Variants in ADAMTS6 observed in about 807,000 individuals in gnomAD.
ADAMTS6 encodes the protein ADAM metallopeptidase with thrombospondin type 1 motif 6.
Under a neutral mutation model 144.3 loss-of-function variants are expected in ADAMTS6, and 23 were observed. The ratio of observed to expected loss-of-function variants is 0.16; its 90% CI spans 0.11 to 0.23. The LOEUF is 0.23. Among genes scored for constraint, ADAMTS6 ranks in the 10% least tolerant of loss-of-function variants. ADAMTS6 has a pLI of 1.00. For missense variants in ADAMTS6, 999 were observed against 1,379.6 expected, an observed-to-expected ratio of 0.72 and a Z score of 4.37; for synonymous variants, 444 against 457.5, an observed-to-expected ratio of 0.97 and a Z score of 0.38.
intron 22 of ADAMTS6, among the ~76,000 whole-genome samples, chr5:65,182,393 G>A (rs1561256169): frequency 6.9e-6 from 1 of 145,048 alleles, no homozygotes; most frequent in Non-Finnish European, 1.5e-5. Flanking sequence ...GCAGTGAATC[G>A]AGACCGTGCC....
chr5:65,460,243 G>T lies in ADAMTS6; in HGVS notation c.558C>A (p.His186Gln). 6.2e-7 allele frequency: 1 copy of T among 1,614,046 alleles called. No homozygotes were observed. The part of the protein sequence containing the change: ...DSKHFSYENG[H>Q]PHVIYKKSAL... The stretch of plus-strand genomic sequence containing the variant: ...CAGACTTTTTGTAAATAACATGAGG[G>T]TGGCCATTTTCATAACTAAAATGCT... The change falls in exon 4 of 25, where the codon CAC (histidine) becomes CAA (glutamine). Residue 186 changes from histidine to glutamine, a missense_variant. His to Gln is a conservative substitution (Grantham distance 24, BLOSUM62 0). This residue lies in a region of ADAMTS6 where 252 missense variants were observed against 293.7 expected (regional missense o/e 0.86). Coordinates refer to ENST00000381055, the MANE Select transcript of ADAMTS6 (RefSeq NM_197941.4).
intron 4 of ADAMTS6, among the ~76,000 whole-genome samples, chr5:65,454,614 G>A (rs529639758): frequency 2.4e-4 from 36 of 152,284 alleles, no homozygotes; most frequent in African/African-American, 8.7e-4. Flanking sequence ...CAGCAAAGAT[G>A]ATGAGATGCA....
At chr5:65,355,902 G>T (rs939893630) in intron 7 of ADAMTS6, among the ~76,000 whole-genome samples, 2 of 151,726 alleles carry the variant, frequency 1.3e-5, no homozygotes, top group African/African-American at 2.4e-5. Flanking sequence ...CTGTCATAAG[G>T]TTGGTTTATC....
At chr5:65,441,111 G>A (rs1340758736) in intron 7 of ADAMTS6, among the ~76,000 whole-genome samples, 1 of 152,078 alleles carries the variant, frequency 6.6e-6, no homozygotes, top group African/African-American at 2.4e-5. Flanking sequence ...AATAGTTTTT[G>A]TATTTTCTAA....
At chr5:65,202,486 G>A (rs1006523691) in intron 20 of ADAMTS6, among the ~76,000 whole-genome samples, 1 of 151,886 alleles carries the variant, frequency 6.6e-6, no homozygotes, top group Non-Finnish European at 1.5e-5. Flanking sequence ...GTACTATAAG[G>A]GAGAAAGTTA....
At chr5:65,210,503 A>G in intron 20 of ADAMTS6, 1 of 345,724 alleles carries the variant, frequency 2.9e-6, no homozygotes, top group Non-Finnish European at 5.5e-6. Flanking sequence ...TTGATTGGAG[A>G]TGAATATAAT....
chr5:65,430,181 G>A (rs929155642), intron 7 of ADAMTS6, among the ~76,000 whole-genome samples: 6 of 148,982 alleles, frequency 4.0e-5, no homozygotes, highest in African/African-American at 9.9e-5. Flanking sequence ...AAAAAAAGAC[G>A]GAAAATCAAG....
chr5:65,301,849 G>C (rs114361899), intron 9 of ADAMTS6, among the ~76,000 whole-genome samples: 5 of 151,886 alleles, frequency 3.3e-5, no homozygotes, highest in Admixed American at 3.3e-4. Context: ...AGCGCTTTGC[G>C]AGGCTGGGGC....
chr5:65,370,593 G>A (rs1750782955), intron 7 of ADAMTS6, among the ~76,000 whole-genome samples: 1 of 152,212 alleles, frequency 6.6e-6, no homozygotes, highest in African/African-American at 2.4e-5. Flanking sequence ...CGCACCACGA[G>A]ATTATATCCC....
chr5:65,477,875 C>T (rs1580801972), intron 1 of ADAMTS6, among the ~76,000 whole-genome samples: 1 of 151,918 alleles, frequency 6.6e-6, no homozygotes, highest in South Asian at 2.1e-4. Context: ...TACCTGTAAT[C>T]CCAGCACTTT....
intron 9 of ADAMTS6, among the ~76,000 whole-genome samples, chr5:65,325,657 C>T (rs1746093140): frequency 6.6e-6 from 1 of 152,002 alleles, no homozygotes; most frequent in African/African-American, 2.4e-5. Context: ...CCACACCTTG[C>T]TAATTTCTGT....
rs771054006 is a variant in ADAMTS6, at chr5:65,215,375, T to C, written c.2385A>G (p.Glu795=). The C allele has an allele frequency of 3.1e-6, 5 of 1,614,094 alleles. No homozygotes were observed. Among genetic ancestry groups the C allele is most frequent in the South Asian group, 1.1e-5 (1 of 91,072 alleles). ...TAFHYKRPTD[E]PESLEALGPT... is the part of the protein sequence containing the mutation. ...GACCTAGAGCTTCCAAGGATTCTGG[T>C]TCATCAGTTGGTCTCTTGTAATGAA... Residue 795 remains glutamate (E), a synonymous_variant, in exon 19 of 25, where the codon GAA becomes GAG. Transcript: ENST00000381055.
intron 7 of ADAMTS6, among the ~76,000 whole-genome samples, chr5:65,413,723 T>A (rs945017898): frequency 6.6e-6 from 1 of 152,112 alleles, no homozygotes; most frequent in African/African-American, 2.4e-5. Flanking sequence ...TAAAATATAA[T>A]GTACATTAAT....
chr5:65,240,658 C>T (rs1465028196), intron 15 of ADAMTS6, among the ~76,000 whole-genome samples: 1 of 152,026 alleles, frequency 6.6e-6, no homozygotes, highest in Non-Finnish European at 1.5e-5. Context: ...AATGAGAAAA[C>T]AACAGTTCAC....
chr5:65,391,024 T>C (rs1293423642), intron 7 of ADAMTS6, among the ~76,000 whole-genome samples: 1 of 151,738 alleles, frequency 6.6e-6, no homozygotes, highest in African/African-American at 2.4e-5. Flanking sequence ...GCACGATCTC[T>C]GTTCACCCAC....
Position 65,452,834 on chromosome 5 carries a change from T to C in ADAMTS6, c.716A>G (p.His239Arg). The change falls in exon 5 of 25, where the codon CAC becomes CGC. Residue 239 changes from histidine (H) to arginine (R), a missense_variant. By Grantham distance (29) the His-to-Arg change is conservative (BLOSUM62 0). Coordinates refer to ENST00000381055, the MANE Select transcript of ADAMTS6 (RefSeq NM_197941.4). ...YSLPINNTHI[H>R]HRQKRSVSIE... ...GCTCACTGATCTCTTCTGTCTGTGG[T>C]GGATATGTGTGTTGTTAATTGGTAG... 1 of 1,614,118 alleles carries C rather than the reference T, an allele frequency of 6.2e-7. No homozygotes were observed. Among genetic ancestry groups the C allele is most frequent in the South Asian group, 1.1e-5 (1 of 91,082 alleles).
intron 7 of ADAMTS6, among the ~76,000 whole-genome samples, chr5:65,405,371 C>T (rs1177663160): frequency 1.3e-5 from 2 of 152,140 alleles, no homozygotes; most frequent in African/African-American, 4.8e-5. Flanking sequence ...TATGGCTAGC[C>T]AGTTTTCCCA....
chr5:65,226,316 T>A (rs1318750773), intron 15 of ADAMTS6, 97 bp from the exon 16 acceptor site: 1 of 1,281,436 alleles, frequency 7.8e-7, no homozygotes, highest in African/African-American at 1.5e-5. Flanking sequence ...CACGTAGACA[T>A]CATTCCCTGC....
chr5:65,415,500 G>A, intron 7 of ADAMTS6: 1 of 246,908 alleles, frequency 4.1e-6, no homozygotes, highest in Non-Finnish European at 8.1e-6. Flanking sequence ...AGCTCACAGA[G>A]GCAAGGCCTT....
Sources: allele counts gnomAD v4.1 joint callset (sites outside exome capture counted in the v4.1 genomes callset), GRCh38; gene constraint gnomAD v4.1.1; regional missense constraint gnomAD v4.1.1; transcripts MANE v1.5; gene names NCBI Gene and HGNC (gene_info 2026-07-23, HGNC 2026-07-21).